The following SIK3 variants were observed in gnomAD, a reference collection of about 807,000 sequenced individuals.
SIK3 encodes the protein serine/threonine-protein kinase SIK3.
SIK3 carries 28 observed loss-of-function variants against 144.2 expected under a neutral mutation model. The ratio of observed to expected loss-of-function variants is 0.19; its 90% CI spans 0.14 to 0.27. The LOEUF (loss-of-function observed/expected upper bound fraction) is 0.27. SIK3 is among the 10% of genes least tolerant of loss of function. The pLI is 1.00. For synonymous variants in SIK3, 686 were observed against 676.3 expected (o/e 1.01, Z -0.22); for missense variants, 1,319 against 1,776.0 (o/e 0.74, Z 4.62).
intron 3 of SIK3, among the ~76,000 whole-genome samples, chr11:116,947,566 TGTA>T (rs1378884703): frequency 2.6e-4 from 16 of 61,346 alleles, no homozygotes; most frequent in African/African-American, 4.6e-4. Context: ...TATGTATGTA[TGTA>T]TTTTTTTTTT....
chr11:116,994,397 G>A (rs550851193), intron 1 of SIK3, among the ~76,000 whole-genome samples: 1 of 152,312 alleles, frequency 6.6e-6, no homozygotes, highest in South Asian at 2.1e-4. Context: ...TTAAGATTCT[G>A]GTTCCTGGAG....
At chr11:116,975,008 T>C (rs1379368939) in intron 1 of SIK3, among the ~76,000 whole-genome samples, 4 of 152,176 alleles carry the variant, frequency 2.6e-5, no homozygotes, top group Non-Finnish European at 5.9e-5. Flanking sequence ...TTAAATTTGT[T>C]TTAATCTGTT....
chr11:116,953,037 A>G (rs1029095703), intron 3 of SIK3, among the ~76,000 whole-genome samples: 2 of 152,168 alleles, frequency 1.3e-5, no homozygotes, highest in African/African-American at 4.8e-5. Context: ...AAGGACTAGC[A>G]CTTACCCTAA....
intron 1 of SIK3, among the ~76,000 whole-genome samples, chr11:117,093,198 T>C (rs576807535): frequency 2.2e-4 from 34 of 152,370 alleles, no homozygotes; most frequent in East Asian, 9.6e-4. Flanking sequence ...ACTTACCAAA[T>C]GAATCTTGTT....
In SIK3 at chr11:116,859,775, C is replaced by T. The variant is rs546747791; in HGVS notation, c.2426-171G>A. ...CTTGTTAAACAGAAGATTCCTGGGT[C>T]CTATCTATATAATTCTGTTTCAAAC... On this transcript the variant is annotated intron_variant, in intron 19 of 24. Coordinates refer to ENST00000445177, the MANE Select transcript of SIK3 (RefSeq NM_001366686.3). Among the ~76,000 whole-genome samples the T allele has an allele frequency of 2.0e-5, 3 of 152,266 alleles. No individual in the cohort carries two copies. In the East Asian group the frequency reaches 5.8e-4, roughly 29 times the overall value.
intron 1 of SIK3, among the ~76,000 whole-genome samples, 160 bp from the exon 2 acceptor site, chr11:116,957,224 A>T (rs112974826): frequency 1.1e-4 from 16 of 152,358 alleles, no homozygotes; most frequent in Admixed American, 6.5e-4. Flanking sequence ...CTTTTTAAAA[A>T]GATAGGAAAT....
chr11:116,929,858 T>C (rs1373395128), intron 3 of SIK3, among the ~76,000 whole-genome samples: 2 of 152,194 alleles, frequency 1.3e-5, no homozygotes, highest in Non-Finnish European at 2.9e-5. Flanking sequence ...GAGCACAAAG[T>C]CCTTCAGGAT....
At chr11:117,048,492 G>A (rs61905717) in intron 1 of SIK3, among the ~76,000 whole-genome samples, 44,345 of 151,696 alleles carry the variant, frequency 0.29, 7,981 homozygotes, top group African/African-American at 0.51. Flanking sequence ...CCCCATCTCT[G>A]CTAAAAATAC....
chr11:116,959,148 G>T (rs1433787182), intron 1 of SIK3, among the ~76,000 whole-genome samples: 8 of 152,004 alleles, frequency 5.3e-5, no homozygotes, highest in Admixed American at 3.9e-4. Flanking sequence ...TGGGCAATAT[G>T]GTGAAACCCC....
intron 1 of SIK3, among the ~76,000 whole-genome samples, chr11:117,060,899 T>C (rs1325352470): frequency 6.6e-6 from 1 of 152,126 alleles, no homozygotes; most frequent in African/African-American, 2.4e-5. Flanking sequence ...TAATGGGATA[T>C]GTGGGATTTC....
chr11:116,904,215 G>C (rs573409574), intron 4 of SIK3, among the ~76,000 whole-genome samples: 1 of 152,282 alleles, frequency 6.6e-6, no homozygotes, highest in South Asian at 2.1e-4. Flanking sequence ...CCAGGATCTG[G>C]AGAGGCAATG....
intron 4 of SIK3, among the ~76,000 whole-genome samples, chr11:116,906,581 G>A (rs1325316002): frequency 6.6e-6 from 1 of 152,122 alleles, no homozygotes; most frequent in African/African-American, 2.4e-5. Flanking sequence ...GCTAAAGGAA[G>A]AAAGTCAGGA....
chr11:116,896,244 C>T lies in SIK3; in HGVS notation c.865+9G>A, dbSNP rs761439233. The T allele has an allele frequency of 2.7e-5, 43 of 1,613,150 alleles. No individual in the cohort carries two copies. In the Middle Eastern group the frequency reaches 4.9e-4, roughly 19 times the overall value. ...CCCATTCATAGCTGTGTGCTAGCGA[C>T]TCCCTTACCTGTGGACATAAAAAAT... On this transcript the variant is annotated intron_variant, in intron 6 of 24. Coordinates refer to ENST00000445177, the MANE Select transcript of SIK3 (RefSeq NM_001366686.3).
At chr11:116,960,850 A>T (rs1949320373) in intron 1 of SIK3, among the ~76,000 whole-genome samples, 1 of 152,216 alleles carries the variant, frequency 6.6e-6, no homozygotes, top group Non-Finnish European at 1.5e-5. Flanking sequence ...TTCTTCTGGA[A>T]TCAAGCCTTC....
chr11:116,971,201 C>G (rs1298813597), intron 1 of SIK3, among the ~76,000 whole-genome samples: 10 of 152,182 alleles, frequency 6.6e-5, no homozygotes, highest in Non-Finnish European at 7.3e-5. Flanking sequence ...ACATTAATTT[C>G]CATCCCACTT....
intron 3 of SIK3, among the ~76,000 whole-genome samples, chr11:116,949,504 T>G (rs1948834142): frequency 6.6e-6 from 1 of 152,162 alleles, no homozygotes; most frequent in Non-Finnish European, 1.5e-5. Flanking sequence ...GCCATCAGTG[T>G]TTTTTTGTTT....
intron 4 of SIK3, among the ~76,000 whole-genome samples, chr11:116,914,812 A>G (rs1394284733): frequency 6.6e-6 from 1 of 152,180 alleles, no homozygotes; most frequent in Non-Finnish European, 1.5e-5. Flanking sequence ...CAGTACAGTT[A>G]CCTTTTTATT....
chr11:116,891,589 C>A (rs1249105272), intron 6 of SIK3, among the ~76,000 whole-genome samples: 1 of 151,880 alleles, frequency 6.6e-6, no homozygotes, highest in African/African-American at 2.4e-5. Flanking sequence ...GTAAACTTTA[C>A]CTTAGAGGCA....
At chr11:116,964,970 T>C (rs1448100229) in intron 1 of SIK3, among the ~76,000 whole-genome samples, 1 of 152,176 alleles carries the variant, frequency 6.6e-6, no homozygotes, top group Non-Finnish European at 1.5e-5. Flanking sequence ...TTCTGCCCTC[T>C]AGGCTGTACT....
Sources: gnomAD v4.1 joint callset for allele counts (sites outside exome capture counted in the v4.1 genomes callset) on GRCh38, gnomAD v4.1.1 for gene constraint, MANE v1.5 for transcripts, NCBI Gene and HGNC (gene_info 2026-07-23, HGNC 2026-07-21) for gene names.